The following TJP1 variants were observed in gnomAD, a reference collection of about 807,000 sequenced individuals.
The protein encoded by TJP1 is tight junction protein 1.
A neutral mutation model predicts 194.2 loss-of-function variants in TJP1; 43 were observed. The ratio of observed to expected loss-of-function variants is 0.22; its 90% confidence interval spans 0.17 to 0.29. TJP1 has a LOEUF of 0.29. TJP1 is among the 10% of genes least tolerant of loss of function. The pLI, the probability that TJP1 is intolerant of heterozygous loss-of-function variation, is 1.00. For synonymous variants in TJP1, 801 were observed against 779.0 expected (o/e 1.03, Z -0.47); for missense variants, 1,971 against 2,185.7 (o/e 0.90, Z 1.96).
chr15:29,798,201 C>G (rs2048538902), intron 2 of TJP1, among the ~76,000 whole-genome samples: 1 of 151,606 alleles, frequency 6.6e-6, no homozygotes, highest in African/African-American at 2.4e-5. Context: ...AAACTCCTGG[C>G]CTCGGGTAAT....
At chr15:29,767,665 C>T (rs914315164) in intron 4 of TJP1, among the ~76,000 whole-genome samples, 4 of 152,104 alleles carry the variant, frequency 2.6e-5, no homozygotes, top group African/African-American at 4.8e-5. Context: ...CTGTGGAATT[C>T]GCTAATGTAG....
chr15:29,858,624 GC>G (rs1284058120), intron 2 of TJP1, among the ~76,000 whole-genome samples: 2 of 151,620 alleles, frequency 1.3e-5, no homozygotes, highest in Non-Finnish European at 2.9e-5. Context: ...GCTCACTGCA[GC>G]CTCAACCTCC....
At chr15:29,738,080 C>T (rs936443930) in intron 10 of TJP1, among the ~76,000 whole-genome samples, 5 of 152,090 alleles carry the variant, frequency 3.3e-5, no homozygotes, top group African/African-American at 1.2e-4. Flanking sequence ...AAAAATAATG[C>T]ATACACACCC....
chr15:29,808,499 T>G (rs181228391), intron 1 of TJP1, among the ~76,000 whole-genome samples: 1 of 152,166 alleles, frequency 6.6e-6, no homozygotes, highest in Non-Finnish European at 1.5e-5. Flanking sequence ...ATTTAAAAAT[T>G]CAAAATAAAG....
intron 2 of TJP1, among the ~76,000 whole-genome samples, chr15:29,903,809 A>G (rs1302688278): frequency 3.3e-5 from 5 of 152,228 alleles, no homozygotes; most frequent in Admixed American, 6.5e-5. Context: ...AATCAGGGGA[A>G]CTTCGGGGAA....
At chr15:29,800,109 G>C (rs2048685853) in intron 2 of TJP1, among the ~76,000 whole-genome samples, 1 of 152,184 alleles carries the variant, frequency 6.6e-6, no homozygotes. Flanking sequence ...GGCAGAACCA[G>C]AATTCAAATT....
intron 2 of TJP1, among the ~76,000 whole-genome samples, chr15:29,838,915 G>T (rs2152062270): frequency 6.6e-6 from 1 of 151,220 alleles, no homozygotes; most frequent in South Asian, 2.1e-4. Context: ...TAACTTCCTT[G>T]AGGTTTATAC....
chr15:29,949,491 C>T (rs1272450888), intron 2 of TJP1, among the ~76,000 whole-genome samples: 1,585 of 140,792 alleles, frequency 0.011, 53 homozygotes, highest in East Asian at 0.037. Flanking sequence ...ACCACCACCT[C>T]CACCTCCACA....
chr15:29,842,819 T>C (rs1345373962), intron 2 of TJP1, among the ~76,000 whole-genome samples: 2 of 152,162 alleles, frequency 1.3e-5, no homozygotes, highest in East Asian at 3.9e-4. Context: ...TACCCCTTTC[T>C]TTTCCACATA....
At position 29,710,820 on chromosome 15, in the gene TJP1, G is replaced by A. The variant is rs1489930168; in HGVS notation, c.4372+11C>T. The A allele has an allele frequency of 3.7e-6, 6 of 1,613,690 alleles. No individual in the cohort carries two copies. Among genetic ancestry groups the A allele is most frequent in the South Asian group, 2.2e-5 (2 of 91,038 alleles). Reference sequence around the variant, plus strand: ...TTACTGTGTTAAAATGTCTACTTCCGAACTTCCTACCTTCACCATGTGCTC... The same window carrying A: ...TTACTGTGTTAAAATGTCTACTTCCAAACTTCCTACCTTCACCATGTGCTC... On this transcript the variant is annotated intron_variant, in intron 24 of 27. Coordinates refer to ENST00000614355, the MANE Select transcript of TJP1 (RefSeq NM_001330239.4).
At chr15:29,833,879 ATAT>A (rs1258831796) in intron 2 of TJP1, among the ~76,000 whole-genome samples, 6 of 13,790 alleles carry the variant, frequency 4.4e-4, no homozygotes, top group African/African-American at 1.5e-3. Flanking sequence ...ATATATATAT[ATAT>A]TTTTTTTTTT....
intron 2 of TJP1, among the ~76,000 whole-genome samples, chr15:29,850,355 G>C (rs542171665): frequency 6.6e-6 from 1 of 152,026 alleles, no homozygotes; most frequent in East Asian, 1.9e-4. Flanking sequence ...GTTTGATACG[G>C]AGTCTCACTC....
intron 2 of TJP1, among the ~76,000 whole-genome samples, chr15:29,869,018 A>G (rs2052400883): frequency 1.3e-5 from 2 of 152,324 alleles, no homozygotes; most frequent in East Asian, 3.9e-4. Context: ...AAGGTATATT[A>G]TATTATTATA....
chr15:29,733,925 G>A (rs1046859644), intron 12 of TJP1, among the ~76,000 whole-genome samples: 3 of 152,168 alleles, frequency 2.0e-5, no homozygotes, highest in South Asian at 4.1e-4. Context: ...AAACATCTGA[G>A]TGTATTGCTT....
At chr15:29,800,502 A>T in intron 2 of TJP1, 144 bp downstream of exon 2, 1 of 715,106 alleles carries the variant, frequency 1.4e-6, no homozygotes, top group Non-Finnish European at 2.3e-6. Flanking sequence ...ATAAAAAATT[A>T]TTGTAACTCT....
chr15:29,729,822 CAAA>C (rs762817418), intron 15 of TJP1, among the ~76,000 whole-genome samples: 2 of 82,218 alleles, frequency 2.4e-5, no homozygotes. Flanking sequence ...GACTCTGTTT[CAAA>C]AAAAAAAAAA....
chr15:29,802,951 T>G (rs1333210802), intron 1 of TJP1, among the ~76,000 whole-genome samples: 1 of 152,166 alleles, frequency 6.6e-6, no homozygotes, highest in Non-Finnish European at 1.5e-5. Context: ...ATGAACACAG[T>G]TTTCCATTTT....
chr15:29,727,810 CTTAA>C, intron 16 of TJP1, 123 bp downstream of exon 16: 3 of 690,244 alleles, frequency 4.3e-6, no homozygotes, highest in Non-Finnish European at 7.4e-6. Flanking sequence ...TCAGTAAGGG[CTTAA>C]TTTTCTTATA....
At chr15:29,885,455 C>T (rs1437276557) in intron 2 of TJP1, among the ~76,000 whole-genome samples, 2 of 152,212 alleles carry the variant, frequency 1.3e-5, no homozygotes, top group South Asian at 2.1e-4. Flanking sequence ...CTTTGCTCCT[C>T]GCTCCTTTTC....
Sources: gnomAD v4.1 joint callset for allele counts (sites outside exome capture counted in the v4.1 genomes callset) on GRCh38, gnomAD v4.1.1 for gene constraint, MANE v1.5 for transcripts, NCBI Gene and HGNC (gene_info 2026-07-23, HGNC 2026-07-21) for gene names.